SP100: variants seen among roughly 807,000 people sequenced by gnomAD.
SP100 encodes nuclear autoantigen Sp-100.
A neutral mutation model predicts 130.0 loss-of-function variants in SP100; 84 were observed. The ratio of observed to expected loss-of-function variants is 0.65; its 90% CI spans 0.54 to 0.77. SP100 has a LOEUF of 0.77. Among genes scored for constraint, SP100 ranks in the 30% least tolerant of loss-of-function variants. SP100 has a pLI of 0.00. For missense variants in SP100, 978 were observed against 1,052.2 expected (o/e 0.93, Z 0.97); for synonymous variants, 331 against 351.7 (o/e 0.94, Z 0.66).
chr2:230,541,780 G>T (rs1440721905), intron 27 of SP100, 112 bp from the exon 28 acceptor site: 1 of 1,151,458 alleles, frequency 8.7e-7, no homozygotes, highest in African/African-American at 1.5e-5. Flanking sequence ...CCTTCACAGG[G>T]GGGTTAGGAT....
At chr2:230,472,816 G>A (rs997128876) in intron 15 of SP100, among the ~76,000 whole-genome samples, 4 of 152,126 alleles carry the variant, frequency 2.6e-5, no homozygotes, top group Non-Finnish European at 1.5e-5. Context: ...TGGCCCCTCT[G>A]ACTCACCCAG....
intron 19 of SP100, among the ~76,000 whole-genome samples, chr2:230,501,100 G>A (rs1372624934): frequency 6.6e-6 from 1 of 152,062 alleles, no homozygotes. Context: ...AAATTAGCCA[G>A]GTGTGGTGGC....
chr2:230,488,467 G>T (rs1286967068), intron 17 of SP100, among the ~76,000 whole-genome samples: 1 of 152,204 alleles, frequency 6.6e-6, no homozygotes, highest in South Asian at 2.1e-4. Context: ...AGGCTGAAGT[G>T]CAGTGGCATG....
At chr2:230,464,273 A>G (rs2064819624) in intron 11 of SP100, 123 bp downstream of exon 11, 1 of 646,690 alleles carries the variant, frequency 1.5e-6, no homozygotes, top group Admixed American at 2.7e-5. Context: ...TAAATTCTAG[A>G]ATATCACTTT....
intron 2 of SP100, among the ~76,000 whole-genome samples, chr2:230,429,993 C>T (rs112984142): frequency 0.011 from 1,687 of 152,224 alleles, 43 homozygotes; most frequent in African/African-American, 0.038. Context: ...AGAGCATATT[C>T]GTTTATTTTA....
At chr2:230,440,742 C>T (rs576964913) in intron 2 of SP100, among the ~76,000 whole-genome samples, 1 of 151,998 alleles carries the variant, frequency 6.6e-6, no homozygotes, top group African/African-American at 2.4e-5. Context: ...AAAATCCAAG[C>T]CAATCTTTTC....
chr2:230,494,358 G>A (rs2066548303), intron 17 of SP100, 58 bp from the exon 18 acceptor site: 4 of 1,252,944 alleles, frequency 3.2e-6, no homozygotes, highest in Non-Finnish European at 4.7e-6. Context: ...GACATATAAA[G>A]TGTGTAAATC....
chr2:230,541,441 C>A (rs186757421), intron 27 of SP100, 69 bp downstream of exon 27: 6 of 1,332,694 alleles, frequency 4.5e-6, no homozygotes, highest in African/African-American at 4.3e-5. Flanking sequence ...TCCCATGGCA[C>A]AAGGTGCCAT....
intron 2 of SP100, among the ~76,000 whole-genome samples, chr2:230,427,628 T>C (rs2062973131): frequency 6.6e-6 from 1 of 152,206 alleles, no homozygotes; most frequent in Non-Finnish European, 1.5e-5. Context: ...GTAGTACTTT[T>C]TTTCTTTCTT....
chr2:230,446,049 A>G (rs1188270762), intron 4 of SP100, among the ~76,000 whole-genome samples: 1 of 152,150 alleles, frequency 6.6e-6, no homozygotes, highest in Non-Finnish European at 1.5e-5. Context: ...CCCAATTAAG[A>G]CAACATTCTC....
intron 17 of SP100, among the ~76,000 whole-genome samples, chr2:230,484,552 G>C (rs2065976469): frequency 6.6e-6 from 1 of 152,208 alleles, no homozygotes; most frequent in African/African-American, 2.4e-5. Context: ...AGGGTCCTCT[G>C]TGCCCTCAGT....
At chr2:230,466,784 A>G (rs2064981629) in intron 12 of SP100, among the ~76,000 whole-genome samples, 1 of 152,222 alleles carries the variant, frequency 6.6e-6, no homozygotes, top group South Asian at 2.1e-4. Context: ...ACAAATCCAT[A>G]TACAAAAACC....
chr2:230,506,545 A>T, intron 22 of SP100, 100 bp downstream of exon 22: 1 of 1,221,424 alleles, frequency 8.2e-7, no homozygotes, highest in Non-Finnish European at 1.2e-6. Flanking sequence ...ATTCATCATG[A>T]CTTCCTCTGC....
At chr2:230,516,128 C>G (rs1690905394) in intron 24 of SP100, 1 of 946,260 alleles carries the variant, frequency 1.1e-6, no homozygotes, top group African/African-American at 1.8e-5. Flanking sequence ...GGTACCAGGT[C>G]AGTCTTCTTC....
At chr2:230,519,423 T>A (rs1346259355) in intron 24 of SP100, among the ~76,000 whole-genome samples, 2 of 152,244 alleles carry the variant, frequency 1.3e-5, no homozygotes, top group Admixed American at 1.3e-4. Flanking sequence ...TTTTCATTCT[T>A]TAGTTGTTCT....
chr2:230,442,839 A>G (rs1284608684), intron 2 of SP100, 98 bp from the exon 3 acceptor site: 1 of 1,045,168 alleles, frequency 9.6e-7, no homozygotes, highest in Non-Finnish European at 1.4e-6. Context: ...ATATATGTTC[A>G]TTCTTTGTAG....
At chr2:230,472,974 C>T (rs1439163770) in intron 15 of SP100, 4 of 163,972 alleles carry the variant, frequency 2.4e-5, no homozygotes, top group Non-Finnish European at 2.7e-5. Context: ...GTTGGAGATT[C>T]TGAAGGCCTT....
intron 24 of SP100, among the ~76,000 whole-genome samples, chr2:230,516,927 G>T (rs1198491201): frequency 1.3e-5 from 2 of 152,070 alleles, no homozygotes; most frequent in Non-Finnish European, 2.9e-5. Flanking sequence ...ATACTCTTTA[G>T]GATATTCACA....
chr2:230,480,138 G>T (rs923985884), intron 17 of SP100, among the ~76,000 whole-genome samples: 1 of 152,064 alleles, frequency 6.6e-6, no homozygotes, highest in Admixed American at 6.6e-5. Flanking sequence ...TTTCTTCATT[G>T]CTGTCTCCCC....
Sources: allele counts gnomAD v4.1 joint callset (sites outside exome capture counted in the v4.1 genomes callset), GRCh38; gene constraint gnomAD v4.1.1; transcripts MANE v1.5; gene names NCBI Gene and HGNC (gene_info 2026-07-23, HGNC 2026-07-21).